The following LIPC variants were observed in gnomAD, a reference collection of about 807,000 sequenced individuals.
LIPC encodes the protein lipase C, hepatic type.
Under a neutral mutation model 50.7 loss-of-function variants are expected in LIPC, and 44 were observed. That is an observed-to-expected ratio of 0.87 (90% CI 0.68 to 1.11). LIPC has a LOEUF of 1.11. Ranked by LOEUF, LIPC falls within the 50% of genes most tolerant of loss-of-function variation. The pLI is 0.00. For synonymous variants in LIPC, 271 were observed against 256.4 expected (o/e 1.06, Z -0.54); for missense variants, 697 against 648.2 (o/e 1.08, Z -0.82).
chr15:58,454,967 C>T (rs191858600), intron 1 of LIPC: 84 of 152,316 alleles, frequency 5.5e-4, no homozygotes, highest in African/African-American at 1.9e-3. Context: ...CTCAAAACTC[C>T]TCTGTTCTCA....
At chr15:58,551,589 G>A (rs1259705426) in intron 6 of LIPC, among the ~76,000 whole-genome samples, 1 of 152,092 alleles carries the variant, frequency 6.6e-6, no homozygotes, top group African/African-American at 2.4e-5. Flanking sequence ...GGCCACCACA[G>A]CTACACCACT....
intron 1 of LIPC, among the ~76,000 whole-genome samples, chr15:58,514,158 C>A (rs1346474291): frequency 6.6e-6 from 1 of 152,218 alleles, no homozygotes; most frequent in Admixed American, 6.5e-5. Context: ...AGCCAGAACA[C>A]CTGTTTGTAA....
At chr15:58,466,559 G>A (rs1295422180) in intron 1 of LIPC, among the ~76,000 whole-genome samples, 1 of 152,164 alleles carries the variant, frequency 6.6e-6, no homozygotes, top group African/African-American at 2.4e-5. Flanking sequence ...TAGCCATCTT[G>A]ACCAAACTAG....
Position 58,464,458 on chromosome 15 carries a change from A to G in LIPC, c.88+32338A>G, listed in dbSNP as rs540395868. 2.6e-5 allele frequency among the ~76,000 whole-genome samples: 4 copies of G among 152,398 alleles called. No individual in the cohort carries two copies. In the South Asian group the frequency reaches 6.2e-4, roughly 24 times the overall value. On this transcript the variant is annotated intron_variant, in intron 1 of 8. Transcript: ENST00000299022. ...ACATCATAGCAAATACTTAACTAGT[A>G]CAAATAAAGCATTTTATTTAAAGCA... is the stretch of plus-strand genomic sequence containing the variant.
At chr15:58,444,351 T>C (rs1477708472) in intron 1 of LIPC, among the ~76,000 whole-genome samples, 1 of 152,144 alleles carries the variant, frequency 6.6e-6, no homozygotes, top group Non-Finnish European at 1.5e-5. Context: ...GAGGGTGGTT[T>C]CTGGATGTCA....
rs145314294 is a variant in LIPC at position 58,518,378 on chromosome 15, G to GA, written c.89-19952dup. On this transcript the variant is annotated intron_variant, in intron 1 of 8. Transcript: ENST00000299022. ...TGATTAAGTTAGTTCTGTGAAAGGA[G>GA]AAACAAAATCAAAAGAGGAACTTGT... Among the ~76,000 whole-genome samples, 1,317 of 152,286 alleles carry GA rather than the reference G, an allele frequency of 8.6e-3. 15 individuals are homozygous for GA. The highest frequency in any genetic ancestry group is 0.029 in the African/African-American group (1,210 of 41,556).
intron 1 of LIPC, among the ~76,000 whole-genome samples, chr15:58,494,408 A>G (rs1891695771): frequency 6.6e-6 from 1 of 152,258 alleles, no homozygotes; most frequent in Non-Finnish European, 1.5e-5. Flanking sequence ...GGAGGTGCCC[A>G]GATTGCAGCC....
chr15:58,494,394 A>C (rs750867838), intron 1 of LIPC, among the ~76,000 whole-genome samples: 4 of 152,220 alleles, frequency 2.6e-5, no homozygotes, highest in Non-Finnish European at 4.4e-5. Context: ...GTGAGCCCAC[A>C]TGAGGAGGTG....
chr15:58,535,915 T>G (rs1270099896), intron 1 of LIPC, among the ~76,000 whole-genome samples: 1 of 152,200 alleles, frequency 6.6e-6, no homozygotes, highest in African/African-American at 2.4e-5. Flanking sequence ...GTCCAATGTA[T>G]AAATGGCTGA....
At chr15:58,500,607 C>A (rs752922190) in intron 1 of LIPC, among the ~76,000 whole-genome samples, 1 of 152,122 alleles carries the variant, frequency 6.6e-6, no homozygotes, top group Non-Finnish European at 1.5e-5. Context: ...CAATAAGTCC[C>A]TGACTGTTTT....
intron 1 of LIPC, among the ~76,000 whole-genome samples, chr15:58,471,082 T>C (rs1595876967): frequency 6.6e-6 from 1 of 151,638 alleles, no homozygotes; most frequent in Non-Finnish European, 1.5e-5. Context: ...ACATACCCAA[T>C]GACCTAAGGT....
intron 6 of LIPC, among the ~76,000 whole-genome samples, chr15:58,549,973 C>T (rs1185636180): frequency 6.6e-6 from 1 of 152,216 alleles, no homozygotes; most frequent in African/African-American, 2.4e-5. Context: ...GTGATTAAGC[C>T]TCTTAGATAA....
chr15:58,463,139 T>C (rs144720502), intron 1 of LIPC, among the ~76,000 whole-genome samples: 20 of 152,348 alleles, frequency 1.3e-4, no homozygotes, highest in African/African-American at 4.1e-4. Context: ...GATATTGTGC[T>C]TCTACCGCAC....
chr15:58,567,284 TATATATATAC>T (rs1456304559), intron 8 of LIPC, among the ~76,000 whole-genome samples: 3,222 of 66,212 alleles, frequency 0.049, 56 homozygotes, highest in African/African-American at 0.089. Flanking sequence ...TGTGTGTGTA[TATATATATAC>T]ATATATATAT....
chr15:58,432,340 G>A (rs1277607117), intron 1 of LIPC: 4 of 587,342 alleles, frequency 6.8e-6, no homozygotes, highest in Admixed American at 2.9e-5. Context: ...TCTTCTAAGA[G>A]TGCCTGCAGC....
intron 8 of LIPC, among the ~76,000 whole-genome samples, chr15:58,564,755 A>G (rs958647580): frequency 1.3e-5 from 2 of 151,974 alleles, no homozygotes; most frequent in African/African-American, 4.8e-5. Context: ...AATAGAAAAG[A>G]AAAGGAAGGA....
At chr15:58,432,959 C>A (rs1019906849) in intron 1 of LIPC, among the ~76,000 whole-genome samples, 1 of 152,172 alleles carries the variant, frequency 6.6e-6, no homozygotes, top group African/African-American at 2.4e-5. Flanking sequence ...AATTCCCTAA[C>A]GGGATGTACC....
chr15:58,462,873 G>A (rs543551680), intron 1 of LIPC, among the ~76,000 whole-genome samples: 3 of 152,204 alleles, frequency 2.0e-5, no homozygotes, highest in Non-Finnish European at 2.9e-5. Context: ...CTGCTGGTCC[G>A]CTGGGCCCTG....
chr15:58,539,259 T>G (rs1412121664), intron 2 of LIPC, among the ~76,000 whole-genome samples: 1 of 152,236 alleles, frequency 6.6e-6, no homozygotes, highest in Non-Finnish European at 1.5e-5. Context: ...CATTTCAAGT[T>G]TACACAATTC....
Sources: allele counts gnomAD v4.1 joint callset (sites outside exome capture counted in the v4.1 genomes callset), GRCh38; gene constraint gnomAD v4.1.1; transcripts MANE v1.5; gene names NCBI Gene and HGNC (gene_info 2026-07-23, HGNC 2026-07-21).